LINGO2: variants seen among roughly 807,000 people sequenced by gnomAD.
The protein encoded by LINGO2 is leucine-rich repeat and immunoglobulin-like domain-containing nogo receptor-interacting protein 2.
In LINGO2, 14 loss-of-function variants were observed where a neutral mutation model predicts 30.6. That is an observed-to-expected ratio of 0.46 (90% CI 0.30 to 0.72). The LOEUF is 0.72. LINGO2 is among the 30% of genes least tolerant of loss of function. The pLI is 0.07. For missense variants in LINGO2, 729 were observed against 751.7 expected, an observed-to-expected ratio of 0.97 and a Z score of 0.35; for synonymous variants, 317 against 288.5, an observed-to-expected ratio of 1.10 and a Z score of -1.00.
chr9:28,337,485 A>T (rs1446056755), intron 3 of LINGO2, among the ~76,000 whole-genome samples: 1 of 152,182 alleles, frequency 6.6e-6, no homozygotes, highest in Non-Finnish European at 1.5e-5. Flanking sequence ...AGTAACACGG[A>T]GCCAAATTTT....
chr9:28,594,638 C>T (rs980922203), intron 1 of LINGO2, among the ~76,000 whole-genome samples: 3 of 152,166 alleles, frequency 2.0e-5, no homozygotes, highest in Non-Finnish European at 4.4e-5. Context: ...CACTATTTCA[C>T]AATTGTGTAA....
At chr9:28,365,192 G>T (rs771420151) in intron 3 of LINGO2, among the ~76,000 whole-genome samples, 1 of 152,178 alleles carries the variant, frequency 6.6e-6, no homozygotes, top group South Asian at 2.1e-4. Context: ...GAGAGAGTGG[G>T]AGAGGGATGA....
the LINGO2 span, among the ~76,000 whole-genome samples, chr9:29,207,470 T>G: frequency 6.6e-6 from 1 of 152,078 alleles, no homozygotes; most frequent in Non-Finnish European, 1.5e-5. Context: ...AGAATCCATT[T>G]CACAAACTCT....
intron 1 of LINGO2, among the ~76,000 whole-genome samples, chr9:28,497,306 C>T (rs923515164): frequency 2.8e-4 from 43 of 152,292 alleles, no homozygotes; most frequent in African/African-American, 9.6e-4. Context: ...CAATCAGACA[C>T]AGATTTGGTC....
chr9:29,127,753 G>A, the LINGO2 span, among the ~76,000 whole-genome samples: 2 of 152,114 alleles, frequency 1.3e-5, no homozygotes, highest in African/African-American at 4.8e-5. Flanking sequence ...TGCATGGAAA[G>A]GGGAAGGACT....
intron 3 of LINGO2, among the ~76,000 whole-genome samples, chr9:28,333,100 C>T (rs956775762): frequency 2.6e-5 from 4 of 152,236 alleles, no homozygotes; most frequent in African/African-American, 9.6e-5. Context: ...AAAGAAGAGA[C>T]ACATCCACAG....
At chr9:28,426,821 C>T (rs1187754123) in intron 2 of LINGO2, among the ~76,000 whole-genome samples, 3 of 152,032 alleles carry the variant, frequency 2.0e-5, no homozygotes, top group Admixed American at 1.3e-4. Flanking sequence ...AGAGTGAGAA[C>T]ACAGATTATC....
intron 1 of LINGO2, among the ~76,000 whole-genome samples, chr9:28,538,648 G>A (rs1305368841): frequency 6.6e-6 from 1 of 152,076 alleles, no homozygotes; most frequent in South Asian, 2.1e-4. Context: ...TAAGGTTCTG[G>A]CATGTGCTGA....
intron 4 of LINGO2, among the ~76,000 whole-genome samples, chr9:28,075,083 C>T (rs1374777043): frequency 1.3e-5 from 2 of 151,782 alleles, no homozygotes; most frequent in Non-Finnish European, 2.9e-5. Context: ...CTTTCTCTTC[C>T]ACTCGGAAGC....
the LINGO2 span, among the ~76,000 whole-genome samples, chr9:29,198,990 G>A: frequency 6.6e-6 from 1 of 152,108 alleles, no homozygotes; most frequent in East Asian, 1.9e-4. Flanking sequence ...ACATTAGGCT[G>A]TGGTAACAAA....
the LINGO2 span, among the ~76,000 whole-genome samples, chr9:29,212,439 G>A: frequency 1.3e-5 from 2 of 151,916 alleles, no homozygotes; most frequent in African/African-American, 2.4e-5. Context: ...CCAAGCGGCA[G>A]CGTGGGCTTC....
In LINGO2 at chr9:27,973,366, C is replaced by T. The variant is rs571794967; in HGVS notation, c.-35-22660G>A. On this transcript the variant is annotated intron_variant, in intron 5 of 5. Transcript: ENST00000379992. ...CAGGTCCAGGGAGGTACCTATGAATCTTCACTGTTCATGAACAATTTCAGG... is the reference window on the plus strand; with the variant it reads ...CAGGTCCAGGGAGGTACCTATGAATTTTCACTGTTCATGAACAATTTCAGG... Among the ~76,000 whole-genome samples the T allele has an allele frequency of 5.9e-5, 9 of 152,178 alleles. 1 individual carries two copies. The highest frequency in any genetic ancestry group is 2.2e-4 in the African/African-American group (9 of 41,538).
upstream of LINGO2, among the ~76,000 whole-genome samples, chr9:28,672,918 G>C (rs1448446705): frequency 6.6e-6 from 1 of 152,040 alleles, no homozygotes; most frequent in East Asian, 1.9e-4. Context: ...TTATTTGAGG[G>C]ATGTGAAAAA....
At chr9:29,109,281 T>C in the LINGO2 span, among the ~76,000 whole-genome samples, 2 of 152,162 alleles carry the variant, frequency 1.3e-5, no homozygotes, top group Non-Finnish European at 2.9e-5. Flanking sequence ...CTTTAGAAGG[T>C]AGACTGTTTC....
intron 4 of LINGO2, among the ~76,000 whole-genome samples, chr9:28,106,432 C>A (rs889982216): frequency 1.3e-5 from 2 of 152,132 alleles, no homozygotes; most frequent in African/African-American, 4.8e-5. Flanking sequence ...GCCTTCTCTC[C>A]CCTCTCCGTG....
intron 4 of LINGO2, among the ~76,000 whole-genome samples, chr9:28,060,282 C>G (rs1034633118): frequency 1.3e-5 from 2 of 152,088 alleles, no homozygotes; most frequent in South Asian, 4.1e-4. Flanking sequence ...AACATTCTTG[C>G]TAAGCTGAAA....
chr9:28,572,920 G>T (rs1823770302), intron 1 of LINGO2, among the ~76,000 whole-genome samples: 1 of 152,060 alleles, frequency 6.6e-6, no homozygotes, highest in South Asian at 2.1e-4. Context: ...GCTTTATAAA[G>T]ATGCCATTTT....
the LINGO2 span, among the ~76,000 whole-genome samples, chr9:28,787,417 C>A: frequency 6.6e-6 from 1 of 152,224 alleles, no homozygotes; most frequent in Admixed American, 6.5e-5. Context: ...AGAATAAATT[C>A]TGTGGCATCT....
At chr9:28,848,802 A>T in the LINGO2 span, among the ~76,000 whole-genome samples, 1 of 151,750 alleles carries the variant, frequency 6.6e-6, no homozygotes, top group Non-Finnish European at 1.5e-5. Flanking sequence ...GTTTTATTTT[A>T]AATACAGCTG....
Sources: gnomAD v4.1 joint callset for allele counts (sites outside exome capture counted in the v4.1 genomes callset) on GRCh38, gnomAD v4.1.1 for gene constraint, MANE v1.5 for transcripts, NCBI Gene and HGNC (gene_info 2026-07-23, HGNC 2026-07-21) for gene names.